Variants in CLVS1 observed in about 807,000 individuals in gnomAD.
CLVS1 encodes clavesin-1.
Under a neutral mutation model 33.1 loss-of-function variants are expected in CLVS1, and 10 were observed. The observed-to-expected ratio is 0.30, with a 90% CI of 0.19 to 0.51. The LOEUF is 0.51. Among genes scored for constraint, CLVS1 ranks in the 20% least tolerant of loss-of-function variants. The pLI is 0.97. For synonymous variants in CLVS1, 163 were observed against 166.1 expected, an observed-to-expected ratio of 0.98 and a Z score of 0.14; for missense variants, 343 against 433.4, an observed-to-expected ratio of 0.79 and a Z score of 1.85.
chr8:61,007,877 G>A, the CLVS1 span, among the ~76,000 whole-genome samples: 1 of 152,198 alleles, frequency 6.6e-6, no homozygotes, highest in Non-Finnish European at 1.5e-5. Flanking sequence ...CAGGTGGGAA[G>A]CTGGAGGAAA....
At chr8:61,034,054 G>A in the CLVS1 span, among the ~76,000 whole-genome samples, 1 of 152,066 alleles carries the variant, frequency 6.6e-6, no homozygotes, top group Non-Finnish European at 1.5e-5. Context: ...CCATCCACAA[G>A]TTCAAGGGGA....
At chr8:61,194,001 C>T (rs1167495192) in intron 2 of CLVS1, among the ~76,000 whole-genome samples, 1 of 151,840 alleles carries the variant, frequency 6.6e-6, no homozygotes, top group Admixed American at 6.6e-5. Flanking sequence ...ATTATTTTTA[C>T]AATTTGTGAA....
intron 5 of CLVS1, among the ~76,000 whole-genome samples, chr8:61,461,327 A>G (rs1468070407): frequency 1.3e-5 from 2 of 152,184 alleles, no homozygotes; most frequent in African/African-American, 2.4e-5. Flanking sequence ...TTTTTACTCA[A>G]CCTTCACCAT....
intron 2 of CLVS1, among the ~76,000 whole-genome samples, chr8:61,254,966 A>G (rs1809044797): frequency 6.6e-6 from 1 of 152,202 alleles, no homozygotes; most frequent in Non-Finnish European, 1.5e-5. Flanking sequence ...CCTCAGTTGG[A>G]AATGCAGAAA....
At chr8:61,305,718 C>T (rs1330706161) in intron 2 of CLVS1, among the ~76,000 whole-genome samples, 4 of 151,920 alleles carry the variant, frequency 2.6e-5, no homozygotes, top group African/African-American at 9.7e-5. Context: ...CACTCTCTAC[C>T]CTCTGAAAGG....
intron 5 of CLVS1, among the ~76,000 whole-genome samples, chr8:61,480,919 A>T (rs1818169162): frequency 6.6e-6 from 1 of 152,128 alleles, no homozygotes; most frequent in Non-Finnish European, 1.5e-5. Flanking sequence ...TGTGATCCGC[A>T]CTTCTCAGCT....
chr8:61,357,457 C>A (rs1165543207), intron 2 of CLVS1, among the ~76,000 whole-genome samples: 2 of 116,388 alleles, frequency 1.7e-5, no homozygotes, highest in African/African-American at 6.1e-5. Context: ...TTTGCCAGGA[C>A]GTTTTTTTTT....
intron 1 of CLVS1, among the ~76,000 whole-genome samples, chr8:61,293,796 C>G (rs909299757): frequency 1.3e-5 from 2 of 152,060 alleles, no homozygotes. Flanking sequence ...GTTGGTTAGA[C>G]TTTCTGTACA....
In CLVS1 at chr8:61,309,513, G is replaced by A. The variant is rs572758379; in HGVS notation, c.455+9231G>A. Among the ~76,000 whole-genome samples, 25 of 152,222 alleles carry A rather than the reference G, an allele frequency of 1.6e-4. No homozygotes were observed. The South Asian group carries it at 2.7e-3, about 16-fold the overall frequency. On this transcript the variant is annotated intron_variant, in intron 2 of 5. Coordinates refer to ENST00000325897, the MANE Select transcript of CLVS1 (RefSeq NM_173519.3). ...GGATATTTGACCTTCTTTCCTTCAC[G>A]ATTGTGAACATGAAGACACTGTCAT...
intron 2 of CLVS1, among the ~76,000 whole-genome samples, chr8:61,345,979 T>G (rs1443811856): frequency 1.3e-5 from 2 of 152,138 alleles, no homozygotes; most frequent in Non-Finnish European, 2.9e-5. Flanking sequence ...TGATTTTTAA[T>G]TATTTTAATT....
chr8:61,358,796 C>T (rs1812853300), intron 2 of CLVS1, among the ~76,000 whole-genome samples: 1 of 152,180 alleles, frequency 6.6e-6, no homozygotes. Flanking sequence ...ACATCAGGCA[C>T]ATAGATTTAA....
intron 2 of CLVS1, among the ~76,000 whole-genome samples, chr8:61,325,576 T>C (rs571338969): frequency 1.6e-4 from 25 of 152,296 alleles, no homozygotes; most frequent in African/African-American, 5.5e-4. Context: ...TGAGATAGAC[T>C]TCTCTGTATT....
intron 5 of CLVS1, among the ~76,000 whole-genome samples, chr8:61,487,288 T>C (rs1803920406): frequency 6.6e-6 from 1 of 152,176 alleles, no homozygotes. Context: ...GTTTTGAGAA[T>C]TTAAATAAAA....
At chr8:60,965,595 G>A in the CLVS1 span, among the ~76,000 whole-genome samples, 28 of 152,248 alleles carry the variant, frequency 1.8e-4, no homozygotes, top group South Asian at 2.3e-3. Flanking sequence ...GCCCCAGGCC[G>A]CTGGGCCACA....
chr8:61,465,590 G>C (rs1817518816), intron 5 of CLVS1: 1 of 152,124 alleles, frequency 6.6e-6, no homozygotes, highest in Non-Finnish European at 1.5e-5. Flanking sequence ...TTTGAGGTGT[G>C]TGGCATTCTC....
the CLVS1 span, among the ~76,000 whole-genome samples, chr8:61,004,745 G>A: frequency 5.9e-5 from 9 of 152,134 alleles, no homozygotes; most frequent in Admixed American, 2.0e-4. Context: ...CACCCGTAAC[G>A]CACCCTGGGG....
intron 1 of CLVS1, among the ~76,000 whole-genome samples, chr8:61,100,836 T>A (rs1805435145): frequency 6.6e-6 from 1 of 152,228 alleles, no homozygotes; most frequent in Admixed American, 6.5e-5. Flanking sequence ...GATGGTCCTT[T>A]TGACTGGCTT....
chr8:61,325,601 G>A (rs1811354253), intron 2 of CLVS1, among the ~76,000 whole-genome samples: 3 of 152,154 alleles, frequency 2.0e-5, no homozygotes, highest in African/African-American at 4.8e-5. Flanking sequence ...GTGGATAGCT[G>A]CTGTGTGGCA....
intron 3 of CLVS1, among the ~76,000 whole-genome samples, chr8:61,417,437 A>C (rs1043713996): frequency 2.0e-5 from 3 of 152,058 alleles, no homozygotes; most frequent in African/African-American, 7.2e-5. Context: ...CACCTGTTGG[A>C]CTTTCTGGTG....
Sources: allele counts gnomAD v4.1 joint callset (sites outside exome capture counted in the v4.1 genomes callset), GRCh38; gene constraint gnomAD v4.1.1; transcripts MANE v1.5; gene names NCBI Gene and HGNC (gene_info 2026-07-23, HGNC 2026-07-21).